KMT2C: variants seen among roughly 807,000 people sequenced by gnomAD.
KMT2C encodes the protein histone-lysine N-methyltransferase 2C.
In KMT2C, 88 loss-of-function variants were observed where a neutral mutation model predicts 507.9. That is an observed-to-expected ratio of 0.17 (90% confidence interval 0.15 to 0.21). The LOEUF (loss-of-function observed/expected upper bound fraction) is 0.21. Ranked by LOEUF, KMT2C falls within the 10% of genes least tolerant of loss-of-function variation. KMT2C has a pLI of 1.00. For synonymous variants in KMT2C, 2,049 were observed against 2,080.8 expected (o/e 0.98, Z 0.42); for missense variants, 4,954 against 5,957.8 (o/e 0.83, Z 5.55).
At chr7:152,337,920 G>T (rs1052782645) in intron 2 of KMT2C, among the ~76,000 whole-genome samples, 1 of 151,106 alleles carries the variant, frequency 6.6e-6, no homozygotes, top group Non-Finnish European at 1.5e-5. Flanking sequence ...GCAGTGGCGC[G>T]ATCTCAGCTC....
intron 14 of KMT2C, 116 bp from the exon 15 acceptor site, chr7:152,238,942 G>C: frequency 1.9e-6 from 2 of 1,033,486 alleles, no homozygotes; most frequent in Non-Finnish European, 2.8e-6. Context: ...TGGAAATTTA[G>C]GACAAATTGC....
intron 1 of KMT2C, among the ~76,000 whole-genome samples, chr7:152,422,553 G>A (rs1367614316): frequency 6.6e-6 from 1 of 152,108 alleles, no homozygotes; most frequent in Non-Finnish European, 1.5e-5. Context: ...GAAATTATCT[G>A]CCATCGCAAG....
chr7:152,139,112 G>A (rs2090216930), intron 57 of KMT2C, 74 bp downstream of exon 57: 14 of 1,416,942 alleles, frequency 9.9e-6, no homozygotes, highest in African/African-American at 1.4e-5. Flanking sequence ...CCTTTCCCTT[G>A]GCTTCAGTGT....
chr7:152,161,614 AC>A (rs1353033758), intron 43 of KMT2C, among the ~76,000 whole-genome samples: 1 of 152,244 alleles, frequency 6.6e-6, no homozygotes, highest in Non-Finnish European at 1.5e-5. Flanking sequence ...GAAAATTGAT[AC>A]ATGGAAAACT....
chr7:152,417,190 C>G (rs1381612328), intron 1 of KMT2C, among the ~76,000 whole-genome samples: 1 of 152,046 alleles, frequency 6.6e-6, no homozygotes, highest in Non-Finnish European at 1.5e-5. Context: ...ATAGGCACAG[C>G]TCACTGCAAC....
In KMT2C at chr7:152,187,766, C is replaced by T; in HGVS notation, c.4742G>A (p.Ser1581Asn). 6.2e-7 allele frequency: 1 copy of T among 1,614,126 alleles called. No individual in the cohort carries two copies. Among genetic ancestry groups the T allele is most frequent in the Non-Finnish European group, 8.5e-7 (1 of 1,179,998 alleles). The change falls in exon 32 of 59, where the codon AGC (serine) becomes AAC (asparagine). Residue 1581 changes from serine (S) to asparagine (N), a missense_variant. Coordinates refer to ENST00000262189, the MANE Select transcript of KMT2C (RefSeq NM_170606.3). ...AATTGCAGAGAAAGTTCCCAGTCCG[C>T]TTCCAGGTGGCAAAGAATTATGTGG... Reference protein sequence around the residue: ...HLPHNSLPPGSGLGTFSAIAQ... With the variant: ...HLPHNSLPPGNGLGTFSAIAQ...
chr7:152,243,267 A>G (rs1345505403), intron 14 of KMT2C, among the ~76,000 whole-genome samples: 1 of 152,226 alleles, frequency 6.6e-6, no homozygotes, highest in Non-Finnish European at 1.5e-5. Context: ...TACCACAACA[A>G]GCACAAGTGA....
chr7:152,184,251 A>G (rs1033525086), intron 34 of KMT2C, among the ~76,000 whole-genome samples: 2 of 151,960 alleles, frequency 1.3e-5, no homozygotes, highest in East Asian at 1.9e-4. Context: ...ATATATATAT[A>G]TGTGATAGAG....
At chr7:152,217,246 C>T (rs1013615959) in intron 23 of KMT2C, among the ~76,000 whole-genome samples, 2 of 152,098 alleles carry the variant, frequency 1.3e-5, no homozygotes, top group African/African-American at 4.8e-5. Context: ...GTATTCTTTC[C>T]CTATTTTTTC....
intron 6 of KMT2C, among the ~76,000 whole-genome samples, chr7:152,281,784 C>T (rs575912132): frequency 1.1e-3 from 171 of 151,976 alleles, no homozygotes; most frequent in African/African-American, 3.9e-3. Flanking sequence ...CTAACCACCA[C>T]CATTTCAGGT....
At chr7:152,244,127 C>T (rs2095431022) in intron 14 of KMT2C, among the ~76,000 whole-genome samples, 1 of 152,168 alleles carries the variant, frequency 6.6e-6, no homozygotes, top group Non-Finnish European at 1.5e-5. Context: ...TTATTTTCCA[C>T]CATTTTTAAA....
intron 1 of KMT2C, among the ~76,000 whole-genome samples, chr7:152,395,512 G>C (rs1163250765): frequency 6.7e-6 from 1 of 150,252 alleles, no homozygotes; most frequent in Non-Finnish European, 1.5e-5. Flanking sequence ...GTTTTGTTTT[G>C]TTTTGTTTTG....
At chr7:152,209,031 C>G (rs186800806) in intron 23 of KMT2C, among the ~76,000 whole-genome samples, 1 of 151,930 alleles carries the variant, frequency 6.6e-6, no homozygotes, top group African/African-American at 2.4e-5. Context: ...TGGTGGTACA[C>G]GCCTAAAAGC....
chr7:152,189,537 C>T (rs1161002944), intron 31 of KMT2C, among the ~76,000 whole-genome samples: 2 of 152,130 alleles, frequency 1.3e-5, no homozygotes, highest in South Asian at 2.1e-4. Context: ...CATACACGTA[C>T]ATTTTACAAT....
chr7:152,137,022 C>T (rs2089931521), intron 58 of KMT2C, 98 bp from the exon 59 acceptor site: 1 of 904,750 alleles, frequency 1.1e-6, no homozygotes, highest in Non-Finnish European at 1.8e-6. Flanking sequence ...GCAAACGAAA[C>T]AGACGTAAAT....
intron 3 of KMT2C, among the ~76,000 whole-genome samples, chr7:152,315,786 A>G (rs2096717337): frequency 6.6e-6 from 1 of 152,052 alleles, no homozygotes; most frequent in African/African-American, 2.4e-5. Flanking sequence ...GTGTGGTGGC[A>G]CACCCCTGTA....
At chr7:152,432,505 AG>A (rs1289107115) in intron 1 of KMT2C, among the ~76,000 whole-genome samples, 2 of 152,244 alleles carry the variant, frequency 1.3e-5, no homozygotes, top group Non-Finnish European at 2.9e-5. Flanking sequence ...TTTACAGTTA[AG>A]GAAAACTTTC....
In KMT2C at chr7:152,220,641, T is replaced by C. The variant is rs1156976348; in HGVS notation, c.3594A>G (p.Lys1198=). The C allele has an allele frequency of 2.5e-6, 4 of 1,611,914 alleles. No homozygotes were observed. Among genetic ancestry groups the C allele is most frequent in the Non-Finnish European group, 2.5e-6 (3 of 1,179,776 alleles). The stretch of plus-strand genomic sequence containing the variant: ...TCAATTTCAATTTTGGTTTTGACCG[T>C]TTTCTTCTTGGAACTGTAACTGTGA... ...QSLTVTVPRR[K]RSKPKLKLKI... is the part of the protein sequence containing the mutation. The change falls in exon 23 of 59, where the codon AAA becomes AAG. Residue 1198 remains lysine (K), a synonymous_variant. Coordinates refer to ENST00000262189, the MANE Select transcript of KMT2C (RefSeq NM_170606.3).
At position 152,258,774 on chromosome 7, in the gene KMT2C, C is replaced by G. The variant is rs1220809263; in HGVS notation, c.1299+4242G>C. On this transcript the variant is annotated intron_variant, in intron 9 of 58. Transcript: ENST00000262189. ...CTCCTGACCTCAACTGATCCACCCG[C>G]TTCAGCCTCCCAAAGTGCTAAGATT... 1.3e-5 allele frequency among the ~76,000 whole-genome samples: 2 copies of G among 152,260 alleles called. 1 individual carries two copies. The highest frequency in any genetic ancestry group is 4.1e-4 in the South Asian group (2 of 4,820).
Sources: gnomAD v4.1 joint callset for allele counts (sites outside exome capture counted in the v4.1 genomes callset) on GRCh38, gnomAD v4.1.1 for gene constraint, MANE v1.5 for transcripts, NCBI Gene and HGNC (gene_info 2026-07-23, HGNC 2026-07-21) for gene names.